The following PCDH15 variants were observed in gnomAD, a reference collection of about 807,000 sequenced individuals.
PCDH15 encodes the protein protocadherin related 15.
Under a neutral mutation model 178.5 loss-of-function variants are expected in PCDH15, and 129 were observed. That is an observed-to-expected ratio of 0.72 (90% confidence interval 0.63 to 0.84). The LOEUF is 0.84. Among genes scored for constraint, PCDH15 ranks in the 40% least tolerant of loss-of-function variants. The pLI, the probability that PCDH15 is intolerant of heterozygous loss-of-function variation, is 0.00. For synonymous variants in PCDH15, 800 were observed against 732.0 expected, an observed-to-expected ratio of 1.09 and a Z score of -1.50; for missense variants, 2,230 against 2,099.9, an observed-to-expected ratio of 1.06 and a Z score of -1.21.
At chr10:55,361,624 A>T (rs2131979149) in intron 2 of PCDH15, among the ~76,000 whole-genome samples, 1 of 152,222 alleles carries the variant, frequency 6.6e-6, no homozygotes, top group South Asian at 2.1e-4. Flanking sequence ...ATATATGACC[A>T]ATAATAATGT....
chr10:54,916,332 G>T (rs1954900513), intron 2 of PCDH15, among the ~76,000 whole-genome samples: 1 of 152,172 alleles, frequency 6.6e-6, no homozygotes, highest in Non-Finnish European at 1.5e-5. Context: ...AGTCACTACA[G>T]AGTTTTGACA....
At chr10:55,168,124 T>C (rs1355017213) in intron 1 of PCDH15, among the ~76,000 whole-genome samples, 2 of 152,110 alleles carry the variant, frequency 1.3e-5, no homozygotes, top group African/African-American at 4.8e-5. Context: ...TTTTTCACAA[T>C]AAAATTTAAG....
chr10:54,920,752 G>A (rs753485259), intron 2 of PCDH15, among the ~76,000 whole-genome samples: 1 of 152,106 alleles, frequency 6.6e-6, no homozygotes, highest in Non-Finnish European at 1.5e-5. Context: ...AGTAAACACA[G>A]TGTTTCTATC....
In PCDH15 at chr10:54,560,305, G is replaced by A. The variant is rs866642427; in HGVS notation, c.92-32428C>T. On this transcript the variant is annotated intron_variant, in intron 2 of 37. Coordinates refer to ENST00000644397, the MANE Select transcript of PCDH15 (RefSeq NM_001384140.1). ...GTATGATTAATGTTGGTTATGTATC[G>A]GCCTAGATAGAGATTTCTAAAAGTG... Among the ~76,000 whole-genome samples, 9 of 151,982 alleles carry A rather than the reference G, an allele frequency of 5.9e-5. No individual in the cohort carries two copies. The South Asian group carries it at 1.7e-3, about 28-fold the overall frequency.
intron 2 of PCDH15, among the ~76,000 whole-genome samples, chr10:55,396,246 ACT>A (rs1383456114): frequency 3.9e-5 from 6 of 151,988 alleles, no homozygotes; most frequent in Admixed American, 6.6e-5. Context: ...TAGAAACATC[ACT>A]CTGTTGCCTG....
At chr10:55,599,475 T>TA (rs1843020130) in intron 2 of PCDH15, 2 of 152,538 alleles carry the variant, frequency 1.3e-5, no homozygotes, top group South Asian at 4.1e-4. Context: ...AGAAAGCGTT[T>TA]AAGCTCAACA....
At chr10:55,144,971 G>GA (rs1838464420) in intron 2 of PCDH15, among the ~76,000 whole-genome samples, 1 of 151,498 alleles carries the variant, frequency 6.6e-6, no homozygotes, top group Non-Finnish European at 1.5e-5. Context: ...GAAGAAAAAA[G>GA]AAAAAAAGAA....
chr10:54,548,123 C>CA lies in PCDH15; in HGVS notation c.92-20247dup, dbSNP rs1255788358. 3.0e-4 allele frequency among the ~76,000 whole-genome samples: 43 copies of CA among 142,816 alleles called. No individual in the cohort carries two copies. In the Middle Eastern group the frequency reaches 0.016, roughly 51 times the overall value. The allele number at this position is 142,816 out of a possible 152,430, so 93.7% of individuals were successfully genotyped here. A position where few individuals can be genotyped will look rare whatever the true frequency, so the allele number is the denominator to read the frequency against. ...CTCAAAAAAAAAAAACCAAAAAAAC[C>CA]AAAAAAAACCCATATATATATATGT... On this transcript the variant is annotated intron_variant, in intron 2 of 37. Coordinates refer to ENST00000644397, the MANE Select transcript of PCDH15 (RefSeq NM_001384140.1).
At chr10:55,068,498 G>A (rs964480785) in intron 2 of PCDH15, among the ~76,000 whole-genome samples, 15 of 151,958 alleles carry the variant, frequency 9.9e-5, no homozygotes, top group African/African-American at 3.1e-4. Context: ...CACCATAGGC[G>A]TGCACTATGC....
At chr10:53,931,712 A>T (rs923085698) in intron 25 of PCDH15, among the ~76,000 whole-genome samples, 8 of 152,110 alleles carry the variant, frequency 5.3e-5, no homozygotes, top group Admixed American at 2.6e-4. Context: ...TATAATTTTT[A>T]AAAAAATTGT....
At chr10:55,183,789 G>A (rs893829913) in intron 1 of PCDH15, among the ~76,000 whole-genome samples, 4 of 151,878 alleles carry the variant, frequency 2.6e-5, no homozygotes, top group East Asian at 1.9e-4. Context: ...ATGACCACAC[G>A]TTTTGTTTGT....
At chr10:55,445,025 A>G (rs1839284164) in intron 2 of PCDH15, among the ~76,000 whole-genome samples, 1 of 152,140 alleles carries the variant, frequency 6.6e-6, no homozygotes. Context: ...AAGGGAGGTG[A>G]AGGAAAAAGG....
chr10:55,201,643 G>A (rs1317374975), intron 1 of PCDH15, among the ~76,000 whole-genome samples: 1 of 152,080 alleles, frequency 6.6e-6, no homozygotes, highest in Non-Finnish European at 1.5e-5. Context: ...TCTACTGCTG[G>A]TCCACATACT....
At chr10:54,881,924 C>A (rs1040647842) in intron 3 of PCDH15, among the ~76,000 whole-genome samples, 3 of 151,968 alleles carry the variant, frequency 2.0e-5, no homozygotes, top group South Asian at 2.1e-4. Context: ...TTATATACAG[C>A]GCAGTAGTAA....
intron 2 of PCDH15, among the ~76,000 whole-genome samples, chr10:55,131,475 T>A (rs1298661116): frequency 6.6e-6 from 1 of 152,168 alleles, no homozygotes. Context: ...GGTGGAGGTA[T>A]GTTTCAGCCC....
intron 25 of PCDH15, among the ~76,000 whole-genome samples, chr10:53,904,700 A>T (rs1181067868): frequency 6.6e-6 from 1 of 152,184 alleles, no homozygotes; most frequent in Non-Finnish European, 1.5e-5. Context: ...CAGGGCTCTG[A>T]CTTGTACCTT....
At chr10:55,624,527 C>A (rs932999500) in intron 2 of PCDH15, among the ~76,000 whole-genome samples, 4 of 152,186 alleles carry the variant, frequency 2.6e-5, no homozygotes, top group African/African-American at 9.6e-5. Context: ...ATACAATATT[C>A]TTTTTGTCTA....
At chr10:53,978,257 T>C (rs2090350094) in intron 21 of PCDH15, among the ~76,000 whole-genome samples, 1 of 152,144 alleles carries the variant, frequency 6.6e-6, no homozygotes, top group Non-Finnish European at 1.5e-5. Flanking sequence ...CATCCAGGCA[T>C]TTCCATACAT....
At chr10:55,418,611 A>G (rs1838543827) in intron 2 of PCDH15, among the ~76,000 whole-genome samples, 1 of 151,788 alleles carries the variant, frequency 6.6e-6, no homozygotes, top group Non-Finnish European at 1.5e-5. Flanking sequence ...TGGAGACCAC[A>G]CAGAACTCAC....
Sources: gnomAD v4.1 joint callset for allele counts (sites outside exome capture counted in the v4.1 genomes callset) on GRCh38, gnomAD v4.1.1 for gene constraint, MANE v1.5 for transcripts, NCBI Gene and HGNC (gene_info 2026-07-23, HGNC 2026-07-21) for gene names.